MRPL50: variants seen among roughly 807,000 people sequenced by gnomAD.
MRPL50 encodes the protein large ribosomal subunit protein mL50.
Under a neutral mutation model 16.2 loss-of-function variants are expected in MRPL50, and 10 were observed. The observed-to-expected ratio is 0.62, with a 90% CI of 0.38 to 1.05. The LOEUF is 1.05. MRPL50 is among the 50% of genes least tolerant of loss of function. The probability of loss-of-function intolerance (pLI) is 0.01; values close to 1 mark genes in which losing one functional copy is unlikely to be tolerated. For synonymous variants in MRPL50, 68 were observed against 66.8 expected (o/e 1.02, Z -0.09); for missense variants, 213 against 187.1 (o/e 1.14, Z -0.81).
In MRPL50 at chr9:101,389,346, G is replaced by A. The variant is rs904860556; in HGVS notation, c.*1120C>T. On this transcript the variant is annotated 3_prime_UTR_variant, in exon 2 of 2. Transcript: ENST00000374865. ...TAATGTCTAAGCTCCAGAGCTCCAGGCACTCTGACACCTGAAGTTCTTGAA... is the reference window on the plus strand; with the variant it reads ...TAATGTCTAAGCTCCAGAGCTCCAGACACTCTGACACCTGAAGTTCTTGAA... 29 of 693,812 alleles carry A rather than the reference G, an allele frequency of 4.2e-5. No individual in the cohort carries two copies. The highest frequency in any genetic ancestry group is 5.7e-5 in the Non-Finnish European group (27 of 476,484). The allele number at this position is 693,812 out of a possible 1,614,324, so 43.0% of individuals were successfully genotyped here.
At chr9:101,396,967 T>A (rs1415245091) in intron 1 of MRPL50, among the ~76,000 whole-genome samples, 1 of 151,688 alleles carries the variant, frequency 6.6e-6, no homozygotes, top group Admixed American at 6.6e-5. Context: ...AAAGTCAAAT[T>A]CATAGAAACA....
chr9:101,389,480 G>A lies in MRPL50; in HGVS notation c.*986C>T. The stretch of plus-strand genomic sequence containing the variant: ...CAACTGAATTTTGCCCTCTTCAAAG[G>A]AGTAACCCTGGGAAAGAGAATAAAT... On this transcript the variant is annotated 3_prime_UTR_variant, in exon 2 of 2. Coordinates refer to ENST00000374865, the MANE Select transcript of MRPL50 (RefSeq NM_019051.3). 1.6e-6 allele frequency: 2 copies of A among 1,286,356 alleles called. No homozygotes were observed. Among genetic ancestry groups the A allele is most frequent in the South Asian group, 1.2e-5 (1 of 80,710 alleles). The allele number at this position is 1,286,356 out of a possible 1,614,324, so 79.7% of individuals were successfully genotyped here.
intron 1 of MRPL50, among the ~76,000 whole-genome samples, chr9:101,397,120 T>G (rs1830357985): frequency 6.6e-6 from 1 of 152,162 alleles, no homozygotes; most frequent in African/African-American, 2.4e-5. Context: ...TACTGTATAC[T>G]TGAAATCTTC....
rs1449063422 is a variant in MRPL50, at chr9:101,390,009, G to A, written c.*457C>T. On this transcript the variant is annotated 3_prime_UTR_variant, in exon 2 of 2. Transcript: ENST00000374865. ...TTTAATTCTAAAAGAAATTAATCTA[G>A]AACTGTCAGTAATACACAACATACT... 1.1e-6 allele frequency: 1 copy of A among 922,006 alleles called. No homozygotes were observed. Among genetic ancestry groups the A allele is most frequent in the Non-Finnish European group, 1.3e-6 (1 of 771,920 alleles). The allele number at this position is 922,006 out of a possible 1,614,324, so 57.1% of individuals were successfully genotyped here.
rs1214218612 is a variant in MRPL50 at position 101,388,807 on chromosome 9, G to C, written c.*1659C>G. 1 of 152,080 alleles carries C rather than the reference G, an allele frequency of 6.6e-6. No individual in the cohort carries two copies. Among genetic ancestry groups the C allele is most frequent in the East Asian group, 1.9e-4 (1 of 5,184 alleles). The allele number at this position is 152,080 out of a possible 1,614,324, so 9.4% of individuals were successfully genotyped here. On this transcript the variant is annotated 3_prime_UTR_variant, in exon 2 of 2. Coordinates refer to ENST00000374865, the MANE Select transcript of MRPL50 (RefSeq NM_019051.3). ...TGTTCGAGGGGAAAAAAAGATGACT[G>C]CATCTGTACTGAATATGTATACTTT...
chr9:101,390,743 T>C lies in MRPL50; in HGVS notation c.200A>G (p.Gln67Arg). ...TTTAACGTAAGATTCCAAACGACTC[T>C]GGAGATCTTCAGGTGGTGTGTATGC... ...SRAYTPPEDL[Q>R]SRLESYVKEV... is the part of the protein sequence containing the mutation. The change falls in exon 2 of 2, where the codon CAG (glutamine) becomes CGG (arginine). Residue 67 changes from glutamine to arginine, a missense_variant. Transcript: ENST00000374865. 6.2e-7 allele frequency: 1 copy of C among 1,613,692 alleles called. No homozygotes were observed. The highest frequency in any genetic ancestry group is 8.5e-7 in the Non-Finnish European group (1 of 1,179,666).
In MRPL50 at chr9:101,390,039, T is replaced by G; in HGVS notation, c.*427A>C. 7.4e-6 allele frequency: 7 copies of G among 947,458 alleles called. No individual in the cohort carries two copies. Among genetic ancestry groups the G allele is most frequent in the Non-Finnish European group, 8.8e-6 (7 of 794,142 alleles). The allele number at this position is 947,458 out of a possible 1,614,324, so 58.7% of individuals were successfully genotyped here. Reference sequence around the variant, plus strand: ...GTCAGTAATACACAACATACTTTTATGTTTCTTTTATAGGTATCTATCTAA... The same window carrying G: ...GTCAGTAATACACAACATACTTTTAGGTTTCTTTTATAGGTATCTATCTAA... On this transcript the variant is annotated 3_prime_UTR_variant, in exon 2 of 2. Transcript: ENST00000374865.
chr9:101,398,453 TC>T, intron 1 of MRPL50, 47 bp downstream of exon 1: 1 of 1,540,406 alleles, frequency 6.5e-7, no homozygotes, highest in Non-Finnish European at 9.0e-7. Flanking sequence ...TCCCTAATCC[TC>T]CTTAACTTTC....
chr9:101,390,711 A>G lies in MRPL50; in HGVS notation c.232T>C (p.Phe78Leu). ...SRLESYVKEVFGSSLPSNWQD... is the reference protein window; with the variant it reads ...SRLESYVKEVLGSSLPSNWQD... ...CAATTACTAGGAAGAGATGAACCAA[A>G]AACTTCTTTAACGTAAGATTCCAAA... is the stretch of plus-strand genomic sequence containing the variant. Residue 78 changes from phenylalanine to leucine, a missense_variant, in exon 2 of 2, where the codon TTT (phenylalanine) becomes CTT (leucine). Phe to Leu is a conservative substitution (Grantham distance 22). Transcript: ENST00000374865. 6.2e-7 allele frequency: 1 copy of G among 1,613,602 alleles called. No individual in the cohort carries two copies. Among genetic ancestry groups the G allele is most frequent in the South Asian group, 1.1e-5 (1 of 91,070 alleles).
Position 101,390,756 on chromosome 9 carries a change from G to A in MRPL50, c.187C>T (p.Pro63Ser), listed in dbSNP as rs774734362. Residue 63 changes from proline (P) to serine (S), a missense_variant, in exon 2 of 2, where the codon CCT becomes TCT. Pro to Ser is a moderately conservative substitution (Grantham distance 74, BLOSUM62 -1). Transcript: ENST00000374865. Reference sequence around the variant, plus strand: ...TCCAAACGACTCTGGAGATCTTCAGGTGGTGTGTATGCTCGGCTTCGTAAA... The same window carrying A: ...TCCAAACGACTCTGGAGATCTTCAGATGGTGTGTATGCTCGGCTTCGTAAA... ...PPLRSRAYTP[P>S]EDLQSRLESY... is the part of the protein sequence containing the mutation. 2 of 1,613,650 alleles carry A rather than the reference G, an allele frequency of 1.2e-6. No homozygotes were observed. Among genetic ancestry groups the A allele is most frequent in the Admixed American group, 3.3e-5 (2 of 59,978 alleles).
intron 1 of MRPL50, among the ~76,000 whole-genome samples, chr9:101,395,439 T>C (rs1830326875): frequency 6.6e-6 from 1 of 152,118 alleles, no homozygotes; most frequent in Admixed American, 6.5e-5. Flanking sequence ...AGAAAGTTAA[T>C]CAGTCTAACA....
intron 1 of MRPL50, among the ~76,000 whole-genome samples, chr9:101,396,959 A>T (rs1462567190): frequency 1.3e-5 from 2 of 152,148 alleles, no homozygotes; most frequent in African/African-American, 4.8e-5. Flanking sequence ...ACAAAAAAAA[A>T]GTCAAATTCA....
At position 101,389,454 on chromosome 9, in the gene MRPL50, C is replaced by T; in HGVS notation, c.*1012G>A. On this transcript the variant is annotated 3_prime_UTR_variant, in exon 2 of 2. Transcript: ENST00000374865. Reference sequence around the variant, plus strand: ...CATGAAGATTCCAGAATTTATATTCCCAACTGAATTTTGCCCTCTTCAAAG... The same window carrying T: ...CATGAAGATTCCAGAATTTATATTCTCAACTGAATTTTGCCCTCTTCAAAG... The T allele has an allele frequency of 7.8e-7, 1 of 1,286,218 alleles. No individual in the cohort carries two copies. The highest frequency in any genetic ancestry group is 1.2e-5 in the South Asian group (1 of 80,822). 79.7% of individuals were successfully genotyped at this position (1,286,218 alleles called of 1,614,324 possible). A position where few individuals can be genotyped will look rare whatever the true frequency, so the allele number is the denominator to read the frequency against.
At chr9:101,393,437 T>TGATATATGATCTTACGTATCATACGTAA (rs1374060810) in intron 1 of MRPL50, among the ~76,000 whole-genome samples, 1 of 151,800 alleles carries the variant, frequency 6.6e-6, no homozygotes, top group Non-Finnish European at 1.5e-5. Flanking sequence ...TGTTCTTATT[T>TGATATATGATCTTACGTATCATACGTAA]GATATATGAT....
rs1291767163 is a variant in MRPL50 at position 101,390,217 on chromosome 9, CA to C, written c.*248del. ...TAAACCCAAGTTGACAGTGCCCTCT[CA>C]AAACTTTTCATAAATAATGACCTAA... On this transcript the variant is annotated 3_prime_UTR_variant, in exon 2 of 2. Coordinates refer to ENST00000374865, the MANE Select transcript of MRPL50 (RefSeq NM_019051.3). 1.7e-6 allele frequency: 2 copies of C among 1,194,736 alleles called. No individual in the cohort carries two copies. Among genetic ancestry groups the C allele is most frequent in the Non-Finnish European group, 2.1e-6 (2 of 961,576 alleles). 74.0% of individuals were successfully genotyped at this position (1,194,736 alleles called of 1,614,324 possible). A position where few individuals can be genotyped will look rare whatever the true frequency, so the allele number is the denominator to read the frequency against.
Position 101,389,960 on chromosome 9 carries a change from C to G in MRPL50, c.*506G>C, listed in dbSNP as rs1196358416. The G allele has an allele frequency of 1.1e-6, 1 of 899,850 alleles. No individual in the cohort carries two copies. Among genetic ancestry groups the G allele is most frequent in the African/African-American group, 1.8e-5 (1 of 55,164 alleles). 55.7% of individuals were successfully genotyped at this position (899,850 alleles called of 1,614,324 possible). A position where few individuals can be genotyped will look rare whatever the true frequency, so the allele number is the denominator to read the frequency against. ...AATTTCACTTAAAAAATTTACAACACACAATACACTTTAACAAATCTACTT... is the reference window on the plus strand; with the variant it reads ...AATTTCACTTAAAAAATTTACAACAGACAATACACTTTAACAAATCTACTT... On this transcript the variant is annotated 3_prime_UTR_variant, in exon 2 of 2. Coordinates refer to ENST00000374865, the MANE Select transcript of MRPL50 (RefSeq NM_019051.3).
chr9:101,389,546 A>G lies in MRPL50; in HGVS notation c.*920T>C, dbSNP rs1415664438. On this transcript the variant is annotated 3_prime_UTR_variant, in exon 2 of 2. Coordinates refer to ENST00000374865, the MANE Select transcript of MRPL50 (RefSeq NM_019051.3). The stretch of plus-strand genomic sequence containing the variant: ...AAAAACCCTTCTATCACTTTTCTTT[A>G]GGAATTGTCAGCAGTCAGAACAATA... The G allele has an allele frequency of 9.1e-7, 1 of 1,093,442 alleles. No homozygotes were observed. The highest frequency in any genetic ancestry group is 2.4e-5 in the Admixed American group (1 of 42,018). The allele number at this position is 1,093,442 out of a possible 1,614,324, so 67.7% of individuals were successfully genotyped here. A position where few individuals can be genotyped will look rare whatever the true frequency, so the allele number is the denominator to read the frequency against.
intron 1 of MRPL50, among the ~76,000 whole-genome samples, chr9:101,394,779 A>G (rs533893714): frequency 1.5e-3 from 229 of 152,292 alleles, no homozygotes; most frequent in African/African-American, 5.3e-3. Flanking sequence ...ACAGGCAATA[A>G]GAACAAAAAT....
chr9:101,394,743 G>C (rs113392642), intron 1 of MRPL50, among the ~76,000 whole-genome samples: 1 of 152,120 alleles, frequency 6.6e-6, no homozygotes, highest in African/African-American at 2.4e-5. Flanking sequence ...TCTGGGCAAC[G>C]ACTTCTTGAG....
Sources: allele counts gnomAD v4.1 joint callset (sites outside exome capture counted in the v4.1 genomes callset), GRCh38; gene constraint gnomAD v4.1.1; transcripts MANE v1.5; gene names NCBI Gene and HGNC (gene_info 2026-07-23, HGNC 2026-07-21).